Variants in CIT observed in about 807,000 individuals in gnomAD.
CIT encodes the protein citron Rho-interacting kinase.
Under a neutral mutation model 272.7 loss-of-function variants are expected in CIT, and 79 were observed. That is an observed-to-expected ratio of 0.29 (90% confidence interval 0.24 to 0.35). CIT has a LOEUF of 0.35. Ranked by LOEUF, CIT falls within the 10% of genes least tolerant of loss-of-function variation. The probability of loss-of-function intolerance (pLI) is 1.00; values close to 1 mark genes in which losing one functional copy is unlikely to be tolerated. For missense variants in CIT, 1,909 were observed against 2,618.3 expected (o/e 0.73, Z 5.91); for synonymous variants, 948 against 995.6 (o/e 0.95, Z 0.90).
chr12:119,761,810 G>A (rs894684469), intron 19 of CIT, among the ~76,000 whole-genome samples: 2 of 152,172 alleles, frequency 1.3e-5, no homozygotes, highest in African/African-American at 4.8e-5. Context: ...AGCACCTACT[G>A]TTCCCAAGAG....
intron 19 of CIT, among the ~76,000 whole-genome samples, chr12:119,763,180 A>G (rs1962027682): frequency 1.3e-5 from 1 of 74,546 alleles, no homozygotes; most frequent in African/African-American, 5.8e-5. Context: ...AGATTCCACT[A>G]AAGACATCTA....
chr12:119,868,774 G>C (rs1950584868), intron 3 of CIT, among the ~76,000 whole-genome samples: 1 of 152,206 alleles, frequency 6.6e-6, no homozygotes, highest in African/African-American at 2.4e-5. Flanking sequence ...CTGGGCTCAA[G>C]CGATTCACCC....
At chr12:119,789,163 C>T (rs1201107349) in intron 10 of CIT, among the ~76,000 whole-genome samples, 2 of 152,112 alleles carry the variant, frequency 1.3e-5, no homozygotes, top group East Asian at 1.9e-4. Flanking sequence ...AGTGTGGCCC[C>T]GGGAAGCAAC....
chr12:119,709,808 GT>G (rs1957070611), intron 39 of CIT, among the ~76,000 whole-genome samples: 1 of 141,790 alleles, frequency 7.1e-6, no homozygotes, highest in Non-Finnish European at 1.5e-5. Context: ...GTGTGTGTGT[GT>G]GTGTGTGTGT....
At position 119,728,498 on chromosome 12, in the gene CIT, T is replaced by C. The variant is rs1958252359; in HGVS notation, c.3591+4A>G. ...GGCCCTTCTCCCAGGTATTTCACACTCACCTCTTCCAGAAGCCTCTGTTTG... is the reference window on the plus strand; with the variant it reads ...GGCCCTTCTCCCAGGTATTTCACACCCACCTCTTCCAGAAGCCTCTGTTTG... On this transcript the variant is annotated splice_donor_region_variant and intron_variant, in intron 28 of 47. Transcript: ENST00000392521. This position sits in a 1 kb window ranked among gnomAD's most constrained non-coding sequence, Gnocchi z 4.3. 1 of 1,589,082 alleles carries C rather than the reference T, an allele frequency of 6.3e-7. No homozygotes were observed. The highest frequency in any genetic ancestry group is 1.1e-5 in the South Asian group (1 of 87,450).
At chr12:119,874,665 T>C (rs994153789) in intron 2 of CIT, among the ~76,000 whole-genome samples, 15 of 152,142 alleles carry the variant, frequency 9.9e-5, no homozygotes, top group South Asian at 8.3e-4. Context: ...CATCAAAACT[T>C]TTTTTAAAAT....
In CIT at chr12:119,730,603, C is replaced by T. The variant is rs1958382602; in HGVS notation, c.3378G>A (p.Glu1126=). The T allele has an allele frequency of 1.2e-6, 2 of 1,613,982 alleles. No individual in the cohort carries two copies. Among genetic ancestry groups the T allele is most frequent in the East Asian group, 2.2e-5 (1 of 44,878 alleles). Residue 1126 remains glutamate, a synonymous_variant, in exon 27 of 48, where the codon GAG becomes GAA. Transcript: ENST00000392521. ...CTGCCAGCTCCACCACCTGGCGAGA[C>T]TCGGTGATCCGCTGATCGGCTCTCG... is the stretch of plus-strand genomic sequence containing the variant. ...SRARADQRIT[E]SRQVVELAVK...
intron 9 of CIT, among the ~76,000 whole-genome samples, chr12:119,816,935 T>G (rs1967242001): frequency 6.6e-6 from 1 of 152,134 alleles, no homozygotes; most frequent in South Asian, 2.1e-4. Context: ...CATCCTGCAA[T>G]TCACACAACA....
intron 3 of CIT, among the ~76,000 whole-genome samples, chr12:119,859,700 A>C (rs1950278582): frequency 6.6e-6 from 1 of 151,900 alleles, no homozygotes; most frequent in Non-Finnish European, 1.5e-5. Flanking sequence ...TTTTAATCTC[A>C]GCTGCTCGGG....
intron 10 of CIT, among the ~76,000 whole-genome samples, chr12:119,786,200 T>C (rs1194236608): frequency 8.5e-5 from 13 of 152,164 alleles, no homozygotes; most frequent in Admixed American, 7.9e-4. Flanking sequence ...AGTTGATAAA[T>C]AGTTTCTGCT....
intron 30 of CIT, among the ~76,000 whole-genome samples, chr12:119,720,241 A>G (rs1429377192): frequency 6.6e-6 from 1 of 152,252 alleles, no homozygotes; most frequent in Non-Finnish European, 1.5e-5. Flanking sequence ...TAACAAAGAT[A>G]CTATGATTTG....
At chr12:119,853,503 T>G (rs991687972) in intron 4 of CIT, among the ~76,000 whole-genome samples, 2 of 152,164 alleles carry the variant, frequency 1.3e-5, no homozygotes, top group African/African-American at 4.8e-5. Context: ...GGCCTCAAAC[T>G]CCTGGGCCCA....
In CIT at chr12:119,713,963, G is replaced by A. The variant is rs766271009; in HGVS notation, c.4306+234C>T. 7 of 616,248 alleles carry A rather than the reference G, an allele frequency of 1.1e-5. No individual in the cohort carries two copies. The highest frequency in any genetic ancestry group is 2.0e-5 in the Non-Finnish European group (7 of 353,320). 38.2% of individuals were successfully genotyped at this position (616,248 alleles called of 1,614,324 possible). A position where few individuals can be genotyped will look rare whatever the true frequency, so the allele number is the denominator to read the frequency against. The stretch of plus-strand genomic sequence containing the variant: ...GGAGAGACCAGCCTGACAAAAAGGG[G>A]CTGGAAATTAGCAAAGCCTAAGGCA... On this transcript the variant is annotated intron_variant, in intron 33 of 47. Transcript: ENST00000392521. The surrounding 1 kb of genome is among the most constrained non-coding windows in gnomAD (Gnocchi z 5.2).
chr12:119,821,861 A>T (rs962365292), intron 9 of CIT, among the ~76,000 whole-genome samples: 2 of 152,194 alleles, frequency 1.3e-5, no homozygotes, highest in African/African-American at 4.8e-5. Flanking sequence ...GCCAAGAAAG[A>T]TTTATGGAAA....
intron 10 of CIT, among the ~76,000 whole-genome samples, chr12:119,790,883 C>T (rs534146968): frequency 1.8e-4 from 28 of 152,316 alleles, no homozygotes; most frequent in Non-Finnish European, 3.5e-4. Context: ...AATTCCTGTC[C>T]TCAAGGAAGT....
At chr12:119,844,306 G>A (rs1969640210) in intron 5 of CIT, among the ~76,000 whole-genome samples, 1 of 152,080 alleles carries the variant, frequency 6.6e-6, no homozygotes, top group Non-Finnish European at 1.5e-5. Flanking sequence ...ACAGGTATAA[G>A]CCACCGCGCC....
rs1300590467 is a variant in CIT, at chr12:119,716,900, G to A, written c.4168+1345C>T. Among the ~76,000 whole-genome samples the A allele has an allele frequency of 2.6e-5, 4 of 152,326 alleles. No homozygotes were observed. In the East Asian group the frequency reaches 7.7e-4, roughly 29 times the overall value. On this transcript the variant is annotated intron_variant, in intron 32 of 47. Coordinates refer to ENST00000392521, the MANE Select transcript of CIT (RefSeq NM_001206999.2). ...TTGCATGCTCACACCACGGAATACT[G>A]TGTGGTTCTCTGAAAGAATGGGGTA...
intron 19 of CIT, among the ~76,000 whole-genome samples, chr12:119,762,275 G>A (rs1961901963): frequency 6.6e-6 from 1 of 152,170 alleles, no homozygotes; most frequent in South Asian, 2.1e-4. Context: ...TGGAAGAGAA[G>A]ACCAAAAGGT....
At chr12:119,869,353 C>T in intron 2 of CIT, 152 bp from the exon 3 acceptor site, 3 of 670,216 alleles carry the variant, frequency 4.5e-6, no homozygotes, top group Non-Finnish European at 7.3e-6. Context: ...TTTAAAGCAA[C>T]GTCAACTGAC....
Sources: gnomAD v4.1 joint callset for allele counts (sites outside exome capture counted in the v4.1 genomes callset) on GRCh38, gnomAD v4.1.1 for gene constraint, Gnocchi (gnomAD v3.1) non-coding constraint, MANE v1.5 for transcripts, NCBI Gene and HGNC (gene_info 2026-07-23, HGNC 2026-07-21) for gene names.